The following DPP6 variants were observed in gnomAD, a reference collection of about 807,000 sequenced individuals.
The protein encoded by DPP6 is dipeptidyl peptidase like 6.
Under a neutral mutation model 122.6 loss-of-function variants are expected in DPP6, and 69 were observed. That is an observed-to-expected ratio of 0.56 (90% CI 0.46 to 0.69). The LOEUF is 0.69. Ranked by LOEUF, DPP6 falls within the 30% of genes least tolerant of loss-of-function variation. The pLI is 0.00. For synonymous variants in DPP6, 418 were observed against 433.1 expected (o/e 0.97, Z 0.43); for missense variants, 928 against 1,116.9 (o/e 0.83, Z 2.41).
At chr7:154,420,561 G>T (rs1817386079) in intron 1 of DPP6, among the ~76,000 whole-genome samples, 1 of 152,126 alleles carries the variant, frequency 6.6e-6, no homozygotes, top group Non-Finnish European at 1.5e-5. Flanking sequence ...ATGGGGGTGG[G>T]TAGGGCATGA....
intron 5 of DPP6, chr7:154,588,175 C>G (rs188249974): frequency 5.3e-6 from 8 of 1,520,056 alleles, no homozygotes; most frequent in Non-Finnish European, 7.1e-6. Flanking sequence ...ATACTGCCTT[C>G]CCCATCCTAT....
Position 154,278,458 on chromosome 7 carries a change from TGAC to T in DPP6, c.244-167753_244-167751del, listed in dbSNP as rs1204791880. ...TCCAGCTGCTGCTGTAACTGCATCTTGACGATGCAAAATGACGATGGAAATATA... is the reference window on the plus strand; with the variant it reads ...TCCAGCTGCTGCTGTAACTGCATCTTGATGCAAAATGACGATGGAAATATA... On this transcript the variant is annotated intron_variant, in intron 1 of 25. Transcript: ENST00000377770. Among the ~76,000 whole-genome samples, 3 of 152,366 alleles carry T rather than the reference TGAC, an allele frequency of 2.0e-5. No individual in the cohort carries two copies. The East Asian group carries it at 5.8e-4, about 29-fold the overall frequency.
At chr7:154,083,500 C>A (rs981485901) in intron 1 of DPP6, among the ~76,000 whole-genome samples, 1 of 150,996 alleles carries the variant, frequency 6.6e-6, no homozygotes, top group South Asian at 2.1e-4. Flanking sequence ...CCCAAGCCTC[C>A]ATCATGCCCT....
intron 3 of DPP6, among the ~76,000 whole-genome samples, chr7:154,500,566 A>T (rs1057146593): frequency 2.0e-5 from 3 of 152,090 alleles, no homozygotes; most frequent in African/African-American, 7.2e-5. Flanking sequence ...ATGAGATCTG[A>T]TGGTTTTAAA....
chr7:154,465,245 A>C (rs1821680466), intron 2 of DPP6, among the ~76,000 whole-genome samples: 1 of 152,264 alleles, frequency 6.6e-6, no homozygotes, highest in African/African-American at 2.4e-5. Flanking sequence ...AGCAACACAC[A>C]GTTGAAAAAT....
intron 25 of DPP6, chr7:154,891,275 C>T (rs534027651): frequency 3.3e-5 from 5 of 152,306 alleles, no homozygotes; most frequent in African/African-American, 1.2e-4. Context: ...AATCCCTGCA[C>T]GTGCACAGAT....
At chr7:153,880,374 T>A in the DPP6 span, among the ~76,000 whole-genome samples, 9 of 152,378 alleles carry the variant, frequency 5.9e-5, no homozygotes, top group South Asian at 1.4e-3. Flanking sequence ...CTTAACTGCT[T>A]ATATTTTCCA....
chr7:154,358,715 T>G (rs1811475572), intron 1 of DPP6, among the ~76,000 whole-genome samples: 1 of 152,176 alleles, frequency 6.6e-6, no homozygotes, highest in South Asian at 2.1e-4. Flanking sequence ...ATATTTCTTC[T>G]TTTGTTTTGA....
chr7:154,224,892 C>A (rs1800505050), intron 1 of DPP6, among the ~76,000 whole-genome samples: 1 of 151,886 alleles, frequency 6.6e-6, no homozygotes, highest in Non-Finnish European at 1.5e-5. Flanking sequence ...CCTGTAATCC[C>A]AGCACTTTGG....
At chr7:154,326,512 A>G (rs192626807) in intron 1 of DPP6, among the ~76,000 whole-genome samples, 20 of 152,332 alleles carry the variant, frequency 1.3e-4, no homozygotes, top group African/African-American at 4.6e-4. Context: ...TCTACCTGCC[A>G]CCAGTGGACT....
At chr7:154,283,142 A>T (rs1019601268) in intron 1 of DPP6, among the ~76,000 whole-genome samples, 3 of 152,166 alleles carry the variant, frequency 2.0e-5, no homozygotes, top group African/African-American at 7.2e-5. Context: ...GGCCCCAGTA[A>T]TGCAATCTGT....
chr7:154,037,286 CCATTGGT>C (rs1799583765), intron 1 of DPP6, among the ~76,000 whole-genome samples: 1 of 152,096 alleles, frequency 6.6e-6, no homozygotes, highest in Admixed American at 6.6e-5. Flanking sequence ...TTTACTTTCC[CCATTGGT>C]ATTCCGAAGT....
Position 154,833,325 on chromosome 7 carries a change from G to A in DPP6, c.1667-20455G>A, listed in dbSNP as rs1411842711. Among the ~76,000 whole-genome samples, 1 of 152,188 alleles carries A rather than the reference G, an allele frequency of 6.6e-6. No homozygotes were observed. Among genetic ancestry groups the A allele is most frequent in the Non-Finnish European group, 1.5e-5 (1 of 68,040 alleles). ...GCAAGGTGTTTAAGAAAGACCATAAGGGCTGTAGGAAGCCAAGAAAAGGAG... is the reference window on the plus strand; with the variant it reads ...GCAAGGTGTTTAAGAAAGACCATAAAGGCTGTAGGAAGCCAAGAAAAGGAG... On this transcript the variant is annotated intron_variant, in intron 16 of 25. Coordinates refer to ENST00000377770, the MANE Select transcript of DPP6 (RefSeq NM_130797.4). The surrounding 1 kb of genome is among the most constrained non-coding windows in gnomAD (Gnocchi z 4.3).
intron 1 of DPP6, among the ~76,000 whole-genome samples, chr7:154,367,943 A>T (rs1812321736): frequency 6.6e-6 from 1 of 152,120 alleles, no homozygotes; most frequent in Non-Finnish European, 1.5e-5. Flanking sequence ...AGTAGCTGTG[A>T]TTACAGGCAC....
At chr7:154,616,423 C>T (rs1427236529) in intron 5 of DPP6, among the ~76,000 whole-genome samples, 2 of 152,134 alleles carry the variant, frequency 1.3e-5, no homozygotes, top group East Asian at 1.9e-4. Context: ...GAAGTTCTAA[C>T]GCCCCCCTCC....
intron 1 of DPP6, among the ~76,000 whole-genome samples, chr7:154,343,651 G>C (rs1810123879): frequency 6.6e-6 from 1 of 152,196 alleles, no homozygotes; most frequent in Non-Finnish European, 1.5e-5. Flanking sequence ...TGCGATCTCG[G>C]CTCACTGCAC....
chr7:154,413,493 C>T (rs1422397536), intron 1 of DPP6, among the ~76,000 whole-genome samples: 2 of 152,114 alleles, frequency 1.3e-5, no homozygotes, highest in Non-Finnish European at 2.9e-5. Context: ...TATTCATATG[C>T]CATTTTGATT....
the DPP6 span, among the ~76,000 whole-genome samples, chr7:153,878,013 C>A: frequency 1.3e-5 from 2 of 152,134 alleles, no homozygotes; most frequent in Non-Finnish European, 2.9e-5. Flanking sequence ...CATATAAAAG[C>A]TTTCCTTTTC....
chr7:153,918,581 T>A (rs1192720870), intron 1 of DPP6, among the ~76,000 whole-genome samples: 10,394 of 44,394 alleles, frequency 0.23, 350 homozygotes, highest in East Asian at 0.33. Context: ...TCTCTCTCTC[T>A]CTCTCTCTCT....
Sources: allele counts gnomAD v4.1 joint callset (sites outside exome capture counted in the v4.1 genomes callset), GRCh38; gene constraint gnomAD v4.1.1; non-coding constraint Gnocchi (gnomAD v3.1); transcripts MANE v1.5; gene names NCBI Gene and HGNC (gene_info 2026-07-23, HGNC 2026-07-21).